SAMD4A: variants seen among roughly 807,000 people sequenced by gnomAD.
SAMD4A encodes protein Smaug homolog 1.
A neutral mutation model predicts 81.3 loss-of-function variants in SAMD4A; 33 were observed. The ratio of observed to expected loss-of-function variants is 0.41; its 90% CI spans 0.31 to 0.54. SAMD4A has a LOEUF of 0.54. Among genes scored for constraint, SAMD4A ranks in the 20% least tolerant of loss-of-function variants. The pLI is 0.37. For missense variants in SAMD4A, 854 were observed against 951.1 expected (o/e 0.90, Z 1.34); for synonymous variants, 389 against 382.1 (o/e 1.02, Z -0.21).
intron 2 of SAMD4A, among the ~76,000 whole-genome samples, chr14:54,623,965 C>G (rs2034683731): frequency 6.6e-6 from 1 of 152,098 alleles, no homozygotes. Flanking sequence ...ATTTCATCCA[C>G]TCTTATTTAA....
At chr14:54,629,512 A>G (rs76855493) in intron 2 of SAMD4A, among the ~76,000 whole-genome samples, 2,136 of 152,310 alleles carry the variant, frequency 0.014, 58 homozygotes, top group African/African-American at 0.049. Context: ...CTTATTGGTA[A>G]CTGCTAATGA....
chr14:54,576,172 A>G (rs1362458349), intron 2 of SAMD4A, among the ~76,000 whole-genome samples: 3 of 152,078 alleles, frequency 2.0e-5, no homozygotes, highest in Non-Finnish European at 4.4e-5. Context: ...TTTCTGAAGC[A>G]GTTTATCCTG....
intron 3 of SAMD4A, among the ~76,000 whole-genome samples, chr14:54,710,736 C>G (rs879488543): frequency 2.0e-5 from 3 of 152,158 alleles, no homozygotes; most frequent in Non-Finnish European, 4.4e-5. Flanking sequence ...TTGCACCGAT[C>G]CACACAACTC....
At chr14:54,697,777 A>C (rs1291676987) in intron 2 of SAMD4A, among the ~76,000 whole-genome samples, 4 of 152,226 alleles carry the variant, frequency 2.6e-5, no homozygotes, top group Non-Finnish European at 5.9e-5. Flanking sequence ...AGGATTCCTC[A>C]AAATGGTATG....
intron 2 of SAMD4A, among the ~76,000 whole-genome samples, chr14:54,641,570 G>C (rs778671347): frequency 6.6e-6 from 1 of 152,150 alleles, no homozygotes; most frequent in African/African-American, 2.4e-5. Context: ...TCCACATAGT[G>C]GCATATGAGA....
Position 54,567,348 on chromosome 14 carries a change from G to A in SAMD4A, c.-422+10G>A, listed in dbSNP as rs4548793. ...CCATCTCCCACATCGGGTGCGGAGG[G>A]GGCGGAGGGGGCGGCTGGATTTCGG... is the stretch of plus-strand genomic sequence containing the variant. On this transcript the variant is annotated intron_variant, in intron 1 of 12. Transcript: ENST00000554335. The A allele has an allele frequency of 0.13, 19,629 of 152,594 alleles. 1,717 individuals carry two copies. The highest frequency in any genetic ancestry group is 0.25 in the African/African-American group (10,249 of 41,502). 9.5% of individuals were successfully genotyped at this position (152,594 alleles called of 1,614,324 possible). A position where few individuals can be genotyped will look rare whatever the true frequency, so the allele number is the denominator to read the frequency against.
At chr14:54,747,508 G>T (rs556525936) in intron 4 of SAMD4A, among the ~76,000 whole-genome samples, 2 of 152,164 alleles carry the variant, frequency 1.3e-5, no homozygotes, top group African/African-American at 4.8e-5. Context: ...GAAGGTGCTC[G>T]CTTGTTTTGG....
At chr14:54,585,110 A>G (rs560171852) in intron 2 of SAMD4A, among the ~76,000 whole-genome samples, 4 of 152,240 alleles carry the variant, frequency 2.6e-5, no homozygotes, top group Non-Finnish European at 5.9e-5. Context: ...ATCTCTACAT[A>G]TATGCCATTT....
chr14:54,704,606 C>A (rs2036806338), intron 3 of SAMD4A, among the ~76,000 whole-genome samples: 3 of 152,132 alleles, frequency 2.0e-5, no homozygotes, highest in African/African-American at 7.2e-5. Flanking sequence ...CCTTACTGAC[C>A]TCTGAACCCC....
chr14:54,781,028 G>C (rs558252733), intron 11 of SAMD4A, among the ~76,000 whole-genome samples: 122 of 152,160 alleles, frequency 8.0e-4, no homozygotes, highest in African/African-American at 2.7e-3. Context: ...CAGCAGACCA[G>C]GTCCCACTGC....
intron 2 of SAMD4A, among the ~76,000 whole-genome samples, chr14:54,633,210 G>T (rs1424947235): frequency 6.6e-6 from 1 of 152,128 alleles, no homozygotes; most frequent in African/African-American, 2.4e-5. Context: ...AGGATGTGAC[G>T]TTGGGATTAA....
chr14:54,654,150 G>A (rs1478934340), intron 2 of SAMD4A, among the ~76,000 whole-genome samples: 1 of 152,182 alleles, frequency 6.6e-6, no homozygotes, highest in Non-Finnish European at 1.5e-5. Flanking sequence ...ACCGGTAGAT[G>A]ACTATGACAT....
At chr14:54,566,664 C>T (rs1396806716), upstream of SAMD4A, among the ~76,000 whole-genome samples, 1 of 151,642 alleles carries the variant, frequency 6.6e-6, no homozygotes, top group Admixed American at 6.6e-5. Context: ...AGCGCTGTGC[C>T]GCCCTCGGCC....
chr14:54,574,283 C>G (rs927983005), intron 2 of SAMD4A, among the ~76,000 whole-genome samples: 1 of 152,186 alleles, frequency 6.6e-6, no homozygotes, highest in Non-Finnish European at 1.5e-5. Flanking sequence ...GAGAACAAAA[C>G]TGAAATTGAG....
At chr14:54,636,023 C>T (rs147413049) in intron 2 of SAMD4A, among the ~76,000 whole-genome samples, 83 of 152,242 alleles carry the variant, frequency 5.5e-4, no homozygotes, top group Middle Eastern at 3.4e-3. Context: ...AGAAGCAATA[C>T]GTAGCGTAAG....
At chr14:54,640,533 G>A (rs1395415699) in intron 2 of SAMD4A, among the ~76,000 whole-genome samples, 6 of 152,190 alleles carry the variant, frequency 3.9e-5, no homozygotes, top group East Asian at 1.9e-4. Flanking sequence ...ATTCTGGTTC[G>A]ATTCTGGAGA....
At chr14:54,774,078 C>G (rs2038774093) in intron 9 of SAMD4A, among the ~76,000 whole-genome samples, 2 of 152,236 alleles carry the variant, frequency 1.3e-5, no homozygotes, top group African/African-American at 4.8e-5. Context: ...TGTGAGTGTT[C>G]AAGACCTGTG....
rs138704765 is a variant in SAMD4A at position 54,579,167 on chromosome 14, T to G, written c.196+11055T>G. Among the ~76,000 whole-genome samples the G allele has an allele frequency of 2.3e-3, 349 of 152,350 alleles. 2 individuals carry two copies. The highest frequency in any genetic ancestry group is 3.8e-3 in the Non-Finnish European group (258 of 68,040). On this transcript the variant is annotated intron_variant, in intron 2 of 12. Coordinates refer to ENST00000554335, the MANE Select transcript of SAMD4A (RefSeq NM_015589.6). Reference sequence around the variant, plus strand: ...TACACACACAAACACTATCTCCTGTTATTGAATGGATGAATGATACAAAGA... The same window carrying G: ...TACACACACAAACACTATCTCCTGTGATTGAATGGATGAATGATACAAAGA...
intron 11 of SAMD4A, among the ~76,000 whole-genome samples, chr14:54,783,203 CAG>C (rs1046334843): frequency 6.6e-6 from 1 of 151,278 alleles, no homozygotes; most frequent in Non-Finnish European, 1.5e-5. Flanking sequence ...TCTTAGCTGT[CAG>C]AGTTTCCTTC....
Sources: allele counts gnomAD v4.1 joint callset (sites outside exome capture counted in the v4.1 genomes callset), GRCh38; gene constraint gnomAD v4.1.1; transcripts MANE v1.5; gene names NCBI Gene and HGNC (gene_info 2026-07-23, HGNC 2026-07-21).